SYTL5: variants seen among roughly 807,000 people sequenced by gnomAD.
SYTL5 encodes the protein synaptotagmin-like protein 5.
A neutral mutation model predicts 55.9 loss-of-function variants in SYTL5; 34 were observed. That is an observed-to-expected ratio of 0.61 (90% CI 0.46 to 0.81). SYTL5 has a LOEUF of 0.81. SYTL5 is among the 30% of genes least tolerant of loss of function. The pLI is 0.00. For synonymous variants in SYTL5, 221 were observed against 188.7 expected, an observed-to-expected ratio of 1.17 and a Z score of -1.40; for missense variants, 637 against 546.7, an observed-to-expected ratio of 1.17 and a Z score of -1.65.
intron 3 of SYTL5, among the ~76,000 whole-genome samples, chrX:38,066,628 A>T (rs1936107363): frequency 9.1e-6 from 1 of 109,914 alleles, no homozygotes; most frequent in African/African-American, 3.3e-5. Flanking sequence ...TATTCTTACC[A>T]CTCCACCCTC....
chrX:38,099,109 G>A (rs749062144), intron 9 of SYTL5, among the ~76,000 whole-genome samples: 14 of 110,449 alleles, frequency 1.3e-4, no homozygotes, highest in African/African-American at 3.9e-4. Context: ...TAAAAATCAC[G>A]GAATTACATG....
chrX:38,079,145 G>T (rs1397227831), intron 6 of SYTL5, among the ~76,000 whole-genome samples: 2 of 111,775 alleles, frequency 1.8e-5, no homozygotes, highest in African/African-American at 6.5e-5. Context: ...CATCTGAAGA[G>T]ACTGTAAGAT....
the SYTL5 span, among the ~76,000 whole-genome samples, chrX:37,939,998 ATTTT>A: frequency 9.2e-6 from 1 of 109,060 alleles, no homozygotes; most frequent in Non-Finnish European, 1.9e-5. Flanking sequence ...TGCCCAGCTA[ATTTT>A]TTTTTGTATT....
the SYTL5 span, among the ~76,000 whole-genome samples, chrX:37,993,237 GAAC>G: frequency 4.5e-5 from 5 of 111,420 alleles, no homozygotes; most frequent in South Asian, 1.5e-3. Flanking sequence ...TAATGTCAAT[GAAC>G]AACAACAACA....
the SYTL5 span, among the ~76,000 whole-genome samples, chrX:37,964,954 A>T: frequency 9.1e-6 from 1 of 110,317 alleles, no homozygotes; most frequent in South Asian, 3.8e-4. Flanking sequence ...TTCTAATTTT[A>T]TTTATTTCAG....
At chrX:38,024,142 A>C (rs1347965236) in intron 1 of SYTL5, among the ~76,000 whole-genome samples, 1 of 110,001 alleles carries the variant, frequency 9.1e-6, no homozygotes, top group Non-Finnish European at 1.9e-5. Flanking sequence ...TCCCCACCCT[A>C]ATCTCTTGAA....
At chrX:38,025,565 T>C (rs1435728896) in intron 1 of SYTL5, among the ~76,000 whole-genome samples, 2 of 112,190 alleles carry the variant, frequency 1.8e-5, no homozygotes, top group Non-Finnish European at 3.8e-5. Flanking sequence ...CAGCTTAGCA[T>C]AGTTCAACAA....
chrX:37,926,695 TA>T, the SYTL5 span, among the ~76,000 whole-genome samples: 1 of 111,877 alleles, frequency 8.9e-6, no homozygotes, highest in African/African-American at 3.2e-5. Context: ...AGCTATTTTT[TA>T]AAAAATTTTC....
At chrX:38,057,124 A>T (rs191056628) in intron 3 of SYTL5, among the ~76,000 whole-genome samples, 7 of 111,597 alleles carry the variant, frequency 6.3e-5, no homozygotes, top group East Asian at 5.6e-4. Context: ...GAGGTCTTAG[A>T]TTTAAGTATT....
the SYTL5 span, among the ~76,000 whole-genome samples, chrX:37,895,640 T>A: frequency 3.7e-5 from 4 of 109,251 alleles, no homozygotes; most frequent in African/African-American, 1.3e-4. Flanking sequence ...AGGGCAACAT[T>A]GAGAAAAGTG....
the SYTL5 span, among the ~76,000 whole-genome samples, chrX:37,937,321 C>A: frequency 9.0e-6 from 1 of 110,981 alleles, no homozygotes; most frequent in East Asian, 2.8e-4. Flanking sequence ...AAGAAGAGGG[C>A]AGACGGGAAT....
At chrX:38,106,877 C>T (rs1937231841) in intron 11 of SYTL5, 106 bp downstream of exon 11, 1 of 661,205 alleles carries the variant, frequency 1.5e-6, no homozygotes, top group Non-Finnish European at 2.1e-6. Context: ...ATTCAGTCTT[C>T]TCAGAGAGTT....
intron 3 of SYTL5, among the ~76,000 whole-genome samples, chrX:38,068,309 T>C (rs1409158939): frequency 8.9e-6 from 1 of 112,218 alleles, no homozygotes; most frequent in Non-Finnish European, 1.9e-5. Flanking sequence ...AAGGAAATGC[T>C]TATACATTGT....
At chrX:38,090,013 A>G (rs1004445024) in intron 7 of SYTL5, among the ~76,000 whole-genome samples, 1 of 112,237 alleles carries the variant, frequency 8.9e-6, no homozygotes, top group African/African-American at 3.2e-5. Context: ...CATGTTCTTT[A>G]TGCTGCTGAA....
intron 3 of SYTL5, among the ~76,000 whole-genome samples, chrX:38,055,573 G>GT (rs966823316): frequency 9.0e-6 from 1 of 111,630 alleles, no homozygotes; most frequent in African/African-American, 3.3e-5. Flanking sequence ...TTTTTGTTTT[G>GT]TTTTTTGCCT....
chrX:38,125,239 C>T, intron 15 of SYTL5, 59 bp from the exon 16 acceptor site: 1 of 1,025,799 alleles, frequency 9.7e-7, no homozygotes, highest in Non-Finnish European at 1.4e-6. Flanking sequence ...CACTTGTGTA[C>T]ACGCTGACAT....
chrX:38,030,837 C>T (rs1934931795), intron 1 of SYTL5, among the ~76,000 whole-genome samples: 1 of 112,311 alleles, frequency 8.9e-6, no homozygotes, highest in Non-Finnish European at 1.9e-5. Context: ...TTTAACTTCT[C>T]AAGGTAATTT....
At chrX:38,125,805 G>T (rs915779192) in intron 16 of SYTL5, among the ~76,000 whole-genome samples, 2 of 111,695 alleles carry the variant, frequency 1.8e-5, no homozygotes, top group Non-Finnish European at 3.8e-5. Flanking sequence ...CTTGGGCCTT[G>T]CTTCATATTT....
the SYTL5 span, among the ~76,000 whole-genome samples, chrX:37,918,946 A>AGTGT: frequency 0.018 from 1,910 of 105,071 alleles, 52 homozygotes; most frequent in African/African-American, 0.061. Context: ...AGTGTGAGTG[A>AGTGT]GTGTGTGTGT....
Sources: allele counts gnomAD v4.1 joint callset (sites outside exome capture counted in the v4.1 genomes callset), GRCh38; gene constraint gnomAD v4.1.1; transcripts MANE v1.5; gene names NCBI Gene and HGNC (gene_info 2026-07-23, HGNC 2026-07-21).